TINAG: variants seen among roughly 807,000 people sequenced by gnomAD.
TINAG encodes the protein tubulointerstitial nephritis antigen.
A neutral mutation model predicts 72.7 loss-of-function variants in TINAG; 83 were observed. The ratio of observed to expected loss-of-function variants is 1.14; its 90% CI spans 0.96 to 1.37. TINAG has a LOEUF of 1.37. Among genes scored for constraint, TINAG ranks in the 40% most tolerant of loss-of-function variants. The pLI, the probability that TINAG is intolerant of heterozygous loss-of-function variation, is 0.00. For synonymous variants in TINAG, 234 were observed against 189.9 expected (o/e 1.23, Z -1.91); for missense variants, 685 against 576.6 (o/e 1.19, Z -1.93).
intron 1 of TINAG, among the ~76,000 whole-genome samples, chr6:54,309,844 CAA>C (rs58742359): frequency 0.013 from 1,884 of 141,208 alleles, 37 homozygotes; most frequent in African/African-American, 0.043. Context: ...AAGACTGTGT[CAA>C]AAAAAAAAAA....
chr6:54,310,595 TTTTC>T (rs1159421889), intron 1 of TINAG, among the ~76,000 whole-genome samples: 3 of 148,378 alleles, frequency 2.0e-5, no homozygotes, highest in Non-Finnish European at 4.5e-5. Context: ...TCTTTCTTTC[TTTTC>T]TTTCTCTCTC....
At chr6:54,358,531 C>T (rs1403151143) in intron 9 of TINAG, among the ~76,000 whole-genome samples, 8 of 129,742 alleles carry the variant, frequency 6.2e-5, no homozygotes, top group African/African-American at 2.1e-4. Context: ...AGAAGTTATT[C>T]GTCAAAAAAA....
Position 54,342,062 on chromosome 6 carries a change from GGT to G in TINAG, c.625-1144_625-1143del, listed in dbSNP as rs142069767. Reference sequence around the variant, plus strand: ...TGAAAGAATGCTCAGAAATGATTGGGGTGTGTGTGTGTGTGTGTGTGAGAACA... The same window carrying G: ...TGAAAGAATGCTCAGAAATGATTGGGGTGTGTGTGTGTGTGTGTGAGAACA... On this transcript the variant is annotated intron_variant, in intron 4 of 10. Transcript: ENST00000259782. Among the ~76,000 whole-genome samples the G allele has an allele frequency of 9.3e-3, 1,378 of 147,484 alleles. 30 individuals are homozygous for G. Among genetic ancestry groups the G allele is most frequent in the East Asian group, 0.053 (273 of 5,108 alleles).
At chr6:54,320,450 A>G (rs1582698301) in intron 1 of TINAG, 129 bp from the exon 2 acceptor site, 1 of 639,594 alleles carries the variant, frequency 1.6e-6, no homozygotes. Flanking sequence ...ATGGATTTCT[A>G]TCAGCTTTTT....
At chr6:54,365,087 T>A (rs758731576) in intron 9 of TINAG, among the ~76,000 whole-genome samples, 1 of 151,570 alleles carries the variant, frequency 6.6e-6, no homozygotes, top group Non-Finnish European at 1.5e-5. Context: ...GGCAAATTGA[T>A]CAATTCAGAG....
In TINAG at chr6:54,308,750, A is replaced by T. The variant is rs749525351; in HGVS notation, c.200A>T (p.Asp67Val). The T allele has an allele frequency of 1.2e-6, 2 of 1,613,800 alleles. No homozygotes were observed. Among genetic ancestry groups the T allele is most frequent in the Non-Finnish European group, 1.7e-6 (2 of 1,179,898 alleles). The change falls in exon 1 of 11, where the codon GAT (aspartate) becomes GTT (valine). Residue 67 changes from aspartate to valine, a missense_variant. Transcript: ENST00000259782. The stretch of plus-strand genomic sequence containing the variant: ...AATTTTGGCTGTTGTGAAGACAGAG[A>T]TGATGGCTGTGTCACTGAGTTCTAT... ...CRNFGCCEDR[D>V]DGCVTEFYAA...
At chr6:54,361,428 A>G (rs955289353) in intron 9 of TINAG, among the ~76,000 whole-genome samples, 1 of 151,702 alleles carries the variant, frequency 6.6e-6, no homozygotes, top group African/African-American at 2.4e-5. Context: ...GAGAAGCCAT[A>G]TCTTCACATG....
chr6:54,375,516 G>C (rs1763753932), intron 9 of TINAG, among the ~76,000 whole-genome samples: 1 of 152,134 alleles, frequency 6.6e-6, no homozygotes, highest in South Asian at 2.1e-4. Context: ...AAATGCTGTT[G>C]CTAACCTTGA....
chr6:54,309,598 A>G (rs183868660), intron 1 of TINAG, among the ~76,000 whole-genome samples: 353 of 152,244 alleles, frequency 2.3e-3, no homozygotes, highest in African/African-American at 7.4e-3. Flanking sequence ...TATTTATTAT[A>G]TTTATCTAAT....
At chr6:54,356,527 A>T (rs12209457) in intron 9 of TINAG, among the ~76,000 whole-genome samples, 22,400 of 151,926 alleles carry the variant, frequency 0.15, 1,837 homozygotes, top group Non-Finnish European at 0.18. Context: ...TCTGTCTCAA[A>T]AAACAAAAAT....
At chr6:54,385,767 G>T (rs1764081309) in intron 10 of TINAG, among the ~76,000 whole-genome samples, 1 of 150,274 alleles carries the variant, frequency 6.7e-6, no homozygotes, top group African/African-American at 2.4e-5. Flanking sequence ...TATATAAAGG[G>T]ATAACACTCC....
At chr6:54,362,406 A>G (rs568568073) in intron 9 of TINAG, among the ~76,000 whole-genome samples, 25 of 151,792 alleles carry the variant, frequency 1.6e-4, no homozygotes, top group African/African-American at 6.0e-4. Context: ...TAAAACCTGG[A>G]TGACAGCAAA....
At chr6:54,308,126 T>A, upstream of TINAG, 1 of 1,549,340 alleles carries the variant, frequency 6.5e-7, no homozygotes, top group Non-Finnish European at 8.7e-7. Context: ...CATTTTTGAC[T>A]TTTGAATTTC....
intron 3 of TINAG, among the ~76,000 whole-genome samples, chr6:54,323,810 CA>C (rs1197124522): frequency 6.6e-6 from 1 of 152,012 alleles, no homozygotes; most frequent in Non-Finnish European, 1.5e-5. Context: ...AAAAATTATC[CA>C]GGTGTGCTGG....
intron 10 of TINAG, among the ~76,000 whole-genome samples, chr6:54,385,816 A>G (rs1360487268): frequency 6.6e-6 from 1 of 151,856 alleles, no homozygotes; most frequent in Non-Finnish European, 1.5e-5. Context: ...GGTTGGTTTC[A>G]AGTACTAAAA....
intron 5 of TINAG, among the ~76,000 whole-genome samples, chr6:54,345,772 G>A (rs577770496): frequency 7.9e-5 from 12 of 152,084 alleles, no homozygotes; most frequent in Non-Finnish European, 1.8e-4. Flanking sequence ...CACATATTGA[G>A]CATCTAAAGG....
intron 1 of TINAG, among the ~76,000 whole-genome samples, chr6:54,316,163 G>A (rs3777654): frequency 0.15 from 23,186 of 152,054 alleles, 2,089 homozygotes; most frequent in African/African-American, 0.25. Context: ...GTGGCTATCA[G>A]AGAATGACAA....
intron 9 of TINAG, among the ~76,000 whole-genome samples, chr6:54,373,718 G>A (rs1763698166): frequency 6.6e-6 from 1 of 151,918 alleles, no homozygotes; most frequent in Admixed American, 6.6e-5. Flanking sequence ...ACAAAAACAG[G>A]CATCCCAGGC....
rs373924684 is a variant in TINAG at position 54,321,280 on chromosome 6, T to C, written c.420-17T>C. 141 of 1,607,570 alleles carry C rather than the reference T, an allele frequency of 8.8e-5. No individual in the cohort carries two copies. Among genetic ancestry groups the C allele is most frequent in the Middle Eastern group, 1.6e-4 (1 of 6,078 alleles). The stretch of plus-strand genomic sequence containing the variant: ...CATAAAGACCAAGCCACTTTTGTAA[T>C]TGTCATATCTTTGCAGCACATGCTC... On this transcript the variant is annotated splice_polypyrimidine_tract_variant and intron_variant, in intron 2 of 10. Coordinates refer to ENST00000259782, the MANE Select transcript of TINAG (RefSeq NM_014464.4).
Sources: gnomAD v4.1 joint callset for allele counts (sites outside exome capture counted in the v4.1 genomes callset) on GRCh38, gnomAD v4.1.1 for gene constraint, MANE v1.5 for transcripts, NCBI Gene and HGNC (gene_info 2026-07-23, HGNC 2026-07-21) for gene names.